The following INPP4A variants were observed in gnomAD, a reference collection of about 807,000 sequenced individuals.
INPP4A encodes inositol polyphosphate-4-phosphatase type I A, also known as inositol polyphosphate-4-phosphatase, type I, 107kD.
In INPP4A, 33 loss-of-function variants were observed where a neutral mutation model predicts 119.8. The ratio of observed to expected loss-of-function variants is 0.28; its 90% CI spans 0.21 to 0.37. INPP4A has a LOEUF of 0.37. Among genes scored for constraint, INPP4A ranks in the 10% least tolerant of loss-of-function variants. The pLI is 1.00. For synonymous variants in INPP4A, 496 were observed against 500.7 expected (o/e 0.99, Z 0.12); for missense variants, 956 against 1,289.9 (o/e 0.74, Z 3.97).
intron 24 of INPP4A, among the ~76,000 whole-genome samples, chr2:98,585,620 G>A (rs1343924754): frequency 6.6e-6 from 1 of 152,214 alleles, no homozygotes; most frequent in African/African-American, 2.4e-5. Context: ...CCTCTTGCCA[G>A]CTCGTCCGCA....
chr2:98,554,195 C>G lies in INPP4A; in HGVS notation c.1348-76C>G, dbSNP rs890482035. ...CAGTGCTGGGCTTTAAGCCCATTCT[C>G]CATTTCTGAGATAAGGCAGGGGCCT... is the stretch of plus-strand genomic sequence containing the variant. On this transcript the variant is annotated intron_variant, in intron 14 of 24. Transcript: ENST00000409851. This position sits in a 1 kb window ranked among gnomAD's most constrained non-coding sequence, Gnocchi z 4.7. The G allele has an allele frequency of 5.2e-6, 6 of 1,156,626 alleles. No homozygotes were observed. The highest frequency in any genetic ancestry group is 7.4e-6 in the Non-Finnish European group (6 of 810,180). The allele number at this position is 1,156,626 out of a possible 1,614,324, so 71.6% of individuals were successfully genotyped here.
intron 1 of INPP4A, among the ~76,000 whole-genome samples, chr2:98,467,458 C>G (rs867648402): frequency 6.6e-6 from 1 of 152,188 alleles, no homozygotes; most frequent in African/African-American, 2.4e-5. Flanking sequence ...CTCCTTTCCC[C>G]TATTATGTTG....
At chr2:98,496,560 G>A (rs1200113519) in intron 1 of INPP4A, among the ~76,000 whole-genome samples, 2 of 152,018 alleles carry the variant, frequency 1.3e-5, no homozygotes, top group African/African-American at 4.8e-5. Context: ...GCACAGCAAA[G>A]GAAACAACAA....
chr2:98,528,319 C>G (rs1688542663), intron 4 of INPP4A, among the ~76,000 whole-genome samples: 1 of 152,100 alleles, frequency 6.6e-6, no homozygotes, highest in Non-Finnish European at 1.5e-5. Context: ...AATCAGCAAA[C>G]TTGAAGACAG....
intron 4 of INPP4A, among the ~76,000 whole-genome samples, chr2:98,526,888 TAAAC>T (rs1034622359): frequency 2.6e-5 from 4 of 152,040 alleles, no homozygotes; most frequent in African/African-American, 2.4e-5. Flanking sequence ...GCCACACACT[TAAAC>T]AAACAGGTCT....
At chr2:98,563,757 C>T in intron 18 of INPP4A, 120 bp downstream of exon 18, 1 of 936,600 alleles carries the variant, frequency 1.1e-6, no homozygotes, top group Non-Finnish European at 1.6e-6. Context: ...CATATTTCCT[C>T]CTGGTGGTGC....
intron 23 of INPP4A, among the ~76,000 whole-genome samples, chr2:98,574,667 G>A (rs1435425631): frequency 6.6e-6 from 1 of 151,706 alleles, no homozygotes; most frequent in African/African-American, 2.4e-5. Flanking sequence ...TGCAGAGGGT[G>A]ACACAGCTAG....
chr2:98,535,834 T>A lies in INPP4A; in HGVS notation c.376T>A (p.Ser126Thr). The change falls in exon 6 of 25, where the codon TCT (serine) becomes ACT (threonine). Residue 126 changes from serine (S) to threonine (T), a missense_variant. Ser to Thr is a moderately conservative substitution (Grantham distance 58, BLOSUM62 1). Coordinates refer to ENST00000409851, the MANE Select transcript of INPP4A (RefSeq NM_001134225.2). ...KLSVYDVKDR[S>T]QGTMYLLGSG... is the part of the protein sequence containing the mutation. ...CTCCGTGTATGATGTCAAAGATAGA[T>A]CTCAGGGAACAGTTAAGTAATGTGT... 1 of 1,498,190 alleles carries A rather than the reference T, an allele frequency of 6.7e-7. No homozygotes were observed. The highest frequency in any genetic ancestry group is 9.2e-7 in the Non-Finnish European group (1 of 1,082,262). 92.8% of individuals were successfully genotyped at this position (1,498,190 alleles called of 1,614,324 possible). A position where few individuals can be genotyped will look rare whatever the true frequency, so the allele number is the denominator to read the frequency against.
chr2:98,496,454 A>G (rs1461311966), intron 1 of INPP4A, among the ~76,000 whole-genome samples: 1 of 152,222 alleles, frequency 6.6e-6, no homozygotes, highest in Admixed American at 6.5e-5. Flanking sequence ...GCTTCAGGAC[A>G]TTGGTACGGG....
At chr2:98,553,072 A>G (rs554986358) in intron 14 of INPP4A, 103 bp downstream of exon 14, 4 of 900,756 alleles carry the variant, frequency 4.4e-6, no homozygotes, top group South Asian at 3.5e-5. Flanking sequence ...AAAGAGCGTG[A>G]CATTGGGATG....
chr2:98,485,202 G>T (rs990719953), intron 1 of INPP4A, among the ~76,000 whole-genome samples: 8 of 152,238 alleles, frequency 5.3e-5, no homozygotes, highest in Non-Finnish European at 1.0e-4. Flanking sequence ...CGTGGCTGCT[G>T]AAGAGCTGAA....
intron 1 of INPP4A, among the ~76,000 whole-genome samples, chr2:98,445,746 C>T (rs1694074633): frequency 6.6e-6 from 1 of 152,132 alleles, no homozygotes; most frequent in Non-Finnish European, 1.5e-5. Flanking sequence ...TTGATGGTCT[C>T]GCTTCCCTTC....
In INPP4A at chr2:98,552,948, A is replaced by G; in HGVS notation, c.1326A>G (p.Thr442=). The change falls in exon 14 of 25, where the codon ACA becomes ACG. Residue 442 remains threonine (T), a synonymous_variant. Coordinates refer to ENST00000409851, the MANE Select transcript of INPP4A (RefSeq NM_001134225.2). The stretch of plus-strand genomic sequence containing the variant: ...GGTCTGCCACTGGCCTTGAGAGGAC[A>G]CTCGCCATCTTGGCAGACAAGGTAG... ...KDRSATGLER[T]LAILADKTRQ... is the part of the protein sequence containing the mutation. 6.2e-7 allele frequency: 1 copy of G among 1,611,876 alleles called. No homozygotes were observed. The highest frequency in any genetic ancestry group is 1.3e-5 in the African/African-American group (1 of 75,002).
intron 20 of INPP4A, 99 bp from the exon 21 acceptor site, chr2:98,565,930 G>C: frequency 6.6e-7 from 1 of 1,505,238 alleles, no homozygotes; most frequent in Non-Finnish European, 9.0e-7. Context: ...GTGGTTGGCA[G>C]TTTGGCCATC....
chr2:98,520,791 A>T, intron 4 of INPP4A, 60 bp downstream of exon 4: 1 of 936,270 alleles, frequency 1.1e-6, no homozygotes. Flanking sequence ...ATGAAAACAA[A>T]AACACTACCA....
At chr2:98,542,114 C>G (rs1014339526) in intron 10 of INPP4A, among the ~76,000 whole-genome samples, 1 of 152,214 alleles carries the variant, frequency 6.6e-6, no homozygotes, top group Non-Finnish European at 1.5e-5. Context: ...GGGCAGGCCT[C>G]TGTGAGATGA....
At chr2:98,535,004 A>G (rs1689967114) in intron 5 of INPP4A, among the ~76,000 whole-genome samples, 1 of 152,190 alleles carries the variant, frequency 6.6e-6, no homozygotes, top group Non-Finnish European at 1.5e-5. Flanking sequence ...TTGAGGCCCC[A>G]GCAGCCCACC....
Position 98,594,155 on chromosome 2 carries a change from G to A in INPP4A, c.*6547G>A, listed in dbSNP as rs1700510514. 6.6e-6 allele frequency: 1 copy of A among 152,172 alleles called. No individual in the cohort carries two copies. Among genetic ancestry groups the A allele is most frequent in the African/African-American group, 2.4e-5 (1 of 41,434 alleles). 9.4% of individuals were successfully genotyped at this position (152,172 alleles called of 1,614,324 possible). A position where few individuals can be genotyped will look rare whatever the true frequency, so the allele number is the denominator to read the frequency against. Reference sequence around the variant, plus strand: ...CACTACATAATCGGTTACGCTAAATGCATCACGAGCCAAATTCAAAAGGTC... The same window carrying A: ...CACTACATAATCGGTTACGCTAAATACATCACGAGCCAAATTCAAAAGGTC... On this transcript the variant is annotated 3_prime_UTR_variant, in exon 25 of 25. Transcript: ENST00000409851.
intron 1 of INPP4A, among the ~76,000 whole-genome samples, chr2:98,512,148 T>C (rs1000121412): frequency 1.3e-5 from 2 of 152,270 alleles, no homozygotes; most frequent in Non-Finnish European, 2.9e-5. Flanking sequence ...ACAGCCCATG[T>C]ACTGAGCTCT....
Sources: gnomAD v4.1 joint callset for allele counts (sites outside exome capture counted in the v4.1 genomes callset) on GRCh38, gnomAD v4.1.1 for gene constraint, Gnocchi (gnomAD v3.1) non-coding constraint, MANE v1.5 for transcripts, NCBI Gene and HGNC (gene_info 2026-07-23, HGNC 2026-07-21) for gene names.